The following KCNIP4 variants were observed in gnomAD, a reference collection of about 807,000 sequenced individuals.
KCNIP4 encodes the protein Kv channel-interacting protein 4.
KCNIP4 carries 12 observed loss-of-function variants against 34.0 expected under a neutral mutation model. The ratio of observed to expected loss-of-function variants is 0.35; its 90% confidence interval spans 0.23 to 0.57. KCNIP4 has a LOEUF of 0.57. Among genes scored for constraint, KCNIP4 ranks in the 20% least tolerant of loss-of-function variants. The pLI is 0.83. For missense variants in KCNIP4, 238 were observed against 311.7 expected (o/e 0.76, Z 1.78); for synonymous variants, 124 against 102.2 (o/e 1.21, Z -1.29).
chr4:21,479,573 C>G (rs903429635), intron 1 of KCNIP4, among the ~76,000 whole-genome samples: 6 of 152,080 alleles, frequency 3.9e-5, no homozygotes, highest in African/African-American at 1.4e-4. Context: ...TAAGCTTGCT[C>G]TTTACAACAT....
intron 1 of KCNIP4, among the ~76,000 whole-genome samples, chr4:20,886,130 C>G (rs570510314): frequency 8.8e-4 from 134 of 152,292 alleles, no homozygotes; most frequent in African/African-American, 3.2e-3. Context: ...ATAAATGTTA[C>G]TGGATATGCT....
rs553045597 is a variant in KCNIP4 at position 20,819,252 on chromosome 4, T to C, written c.288+31291A>G. On this transcript the variant is annotated intron_variant, in intron 3 of 8. Coordinates refer to ENST00000382152, the MANE Select transcript of KCNIP4 (RefSeq NM_025221.6). The stretch of plus-strand genomic sequence containing the variant: ...TACGGATGAGATAACAAAGTTACAC[T>C]GTTAATAACTAACAGAACTAGCACA... 1.2e-3 allele frequency among the ~76,000 whole-genome samples: 183 copies of C among 152,296 alleles called. 5 individuals are homozygous for C. The South Asian group carries it at 0.037, about 31-fold the overall frequency.
chr4:21,689,666 A>G (rs999284269), intron 1 of KCNIP4, among the ~76,000 whole-genome samples: 2 of 152,338 alleles, frequency 1.3e-5, no homozygotes, highest in African/African-American at 4.8e-5. Flanking sequence ...AGCAAAACAA[A>G]GCCTGATAGT....
intron 1 of KCNIP4, among the ~76,000 whole-genome samples, chr4:21,118,921 T>G (rs1275210378): frequency 6.6e-6 from 1 of 152,126 alleles, no homozygotes; most frequent in East Asian, 1.9e-4. Flanking sequence ...AGCCTCAACC[T>G]CTAAAGAGGA....
intron 7 of KCNIP4, 99 bp from the exon 8 acceptor site, chr4:20,732,167 G>T: frequency 1.2e-6 from 1 of 801,168 alleles, no homozygotes; most frequent in Non-Finnish European, 2.0e-6. Flanking sequence ...AAACCTAGCT[G>T]CTTATTTATT....
chr4:20,988,485 C>T (rs1353365976), intron 1 of KCNIP4, among the ~76,000 whole-genome samples: 1 of 151,984 alleles, frequency 6.6e-6, no homozygotes, highest in African/African-American at 2.4e-5. Flanking sequence ...TTTTTTATAG[C>T]TTCAGTTTGA....
intron 3 of KCNIP4, among the ~76,000 whole-genome samples, chr4:20,819,020 G>T (rs1470533968): frequency 6.7e-6 from 1 of 150,346 alleles, no homozygotes; most frequent in African/African-American, 2.5e-5. Context: ...GAGTAGCTGG[G>T]GTTACAGGCA....
chr4:21,259,920 T>TGTGTGTGTGCGCGC (rs755266993), intron 1 of KCNIP4, among the ~76,000 whole-genome samples: 4 of 150,078 alleles, frequency 2.7e-5, no homozygotes, highest in East Asian at 4.0e-4. Context: ...TGTGTGTGTG[T>TGTGTGTGTGCGCGC]GCACGTGCGC....
At chr4:20,880,874 T>C (rs956140903) in intron 2 of KCNIP4, among the ~76,000 whole-genome samples, 14 of 151,684 alleles carry the variant, frequency 9.2e-5, no homozygotes, top group Admixed American at 7.9e-4. Context: ...CTGATGATGT[T>C]ATGTTTTGTG....
chr4:21,742,372 T>A (rs1716470857), intron 1 of KCNIP4, among the ~76,000 whole-genome samples: 1 of 152,190 alleles, frequency 6.6e-6, no homozygotes, highest in South Asian at 2.1e-4. Context: ...ACAGGTTCTA[T>A]ATTTTCCAAG....
chr4:21,076,344 C>G (rs1008022144), intron 1 of KCNIP4, among the ~76,000 whole-genome samples: 1 of 152,084 alleles, frequency 6.6e-6, no homozygotes, highest in Non-Finnish European at 1.5e-5. Flanking sequence ...GCCCACTCTA[C>G]TCTCTCATCC....
chr4:21,174,901 C>CAA (rs5856608), intron 1 of KCNIP4, among the ~76,000 whole-genome samples: 1 of 115,744 alleles, frequency 8.6e-6, no homozygotes, highest in Non-Finnish European at 1.8e-5. Flanking sequence ...GACACTGTCT[C>CAA]AAAAAAAAAA....
chr4:21,576,201 T>C (rs532732177), intron 1 of KCNIP4, among the ~76,000 whole-genome samples: 3 of 152,318 alleles, frequency 2.0e-5, no homozygotes, highest in African/African-American at 7.2e-5. Context: ...TTTAGTGGTT[T>C]GTTTCTTGTC....
chr4:21,379,982 T>C (rs1721332067), intron 1 of KCNIP4, among the ~76,000 whole-genome samples: 1 of 151,572 alleles, frequency 6.6e-6, no homozygotes, highest in Non-Finnish European at 1.5e-5. Context: ...AAATTGGAGA[T>C]GATCTACTAC....
At chr4:21,882,376 G>A (rs929286271) in intron 1 of KCNIP4, among the ~76,000 whole-genome samples, 5 of 152,220 alleles carry the variant, frequency 3.3e-5, no homozygotes, top group South Asian at 2.1e-4. Context: ...AAAGAAGACA[G>A]AAAGAAGCAG....
chr4:20,861,551 T>C (rs1045585559), intron 2 of KCNIP4, among the ~76,000 whole-genome samples: 2 of 152,138 alleles, frequency 1.3e-5, no homozygotes, highest in African/African-American at 4.8e-5. Flanking sequence ...AGAACCAAAA[T>C]ACAAAAACAA....
intron 2 of KCNIP4, among the ~76,000 whole-genome samples, chr4:20,863,514 G>T (rs973003845): frequency 1.3e-5 from 2 of 152,276 alleles, no homozygotes; most frequent in African/African-American, 4.8e-5. Context: ...CAATCTTGTG[G>T]CTAATTTGTT....
rs1036700435 is a variant in KCNIP4, at chr4:21,786,761, T to C, written c.61+161810A>G. ...TTTTGTATTTTTAGTAGAGACGGGGTTTCATCGTGTTAGCCAGGATGGTCT... is the reference window on the plus strand; with the variant it reads ...TTTTGTATTTTTAGTAGAGACGGGGCTTCATCGTGTTAGCCAGGATGGTCT... On this transcript the variant is annotated intron_variant, in intron 1 of 8. Transcript: ENST00000382152. Among the ~76,000 whole-genome samples, 3 of 151,494 alleles carry C rather than the reference T, an allele frequency of 2.0e-5. No homozygotes were observed. In the East Asian group the frequency reaches 5.8e-4, roughly 29 times the overall value.
At chr4:21,556,920 C>CAAAAAAA (rs1281543089) in intron 1 of KCNIP4, among the ~76,000 whole-genome samples, 5 of 35,622 alleles carry the variant, frequency 1.4e-4, no homozygotes, top group African/African-American at 2.1e-4. Flanking sequence ...GACTCCATCT[C>CAAAAAAA]AGAAAAAAAA....
Sources: gnomAD v4.1 joint callset for allele counts (sites outside exome capture counted in the v4.1 genomes callset) on GRCh38, gnomAD v4.1.1 for gene constraint, MANE v1.5 for transcripts, NCBI Gene and HGNC (gene_info 2026-07-23, HGNC 2026-07-21) for gene names.